The following LINGO2 variants were observed in gnomAD, a reference collection of about 807,000 sequenced individuals.
LINGO2 encodes leucine rich repeat and Ig domain containing 2, also known as leucine-rich repeat and immunoglobulin-like domain-containing nogo receptor-interacting protein 2.
In LINGO2, 14 loss-of-function variants were observed where a neutral mutation model predicts 30.6. The ratio of observed to expected loss-of-function variants is 0.46; its 90% CI spans 0.30 to 0.72. The LOEUF (loss-of-function observed/expected upper bound fraction) is 0.72, where lower values mean the gene tolerates loss of function less well. LINGO2 is among the 30% of genes least tolerant of loss of function. The pLI is 0.07. For synonymous variants in LINGO2, 317 were observed against 288.5 expected, an observed-to-expected ratio of 1.10 and a Z score of -1.00; for missense variants, 729 against 751.7, an observed-to-expected ratio of 0.97 and a Z score of 0.35.
intron 4 of LINGO2, among the ~76,000 whole-genome samples, chr9:28,122,019 A>C: frequency 6.8e-6 from 1 of 147,210 alleles, no homozygotes; most frequent in East Asian, 2.1e-4. Context: ...ATAAAAGATG[A>C]ATTGACTTAC....
At chr9:29,155,527 T>C in the LINGO2 span, among the ~76,000 whole-genome samples, 48 of 151,154 alleles carry the variant, frequency 3.2e-4, no homozygotes, top group South Asian at 9.6e-3. Flanking sequence ...TTTTTCATTA[T>C]ATTCTTTTAG....
intron 4 of LINGO2, among the ~76,000 whole-genome samples, chr9:28,094,058 T>A (rs1826174897): frequency 6.6e-6 from 1 of 152,216 alleles, no homozygotes; most frequent in Non-Finnish European, 1.5e-5. Flanking sequence ...ATCTGAACAA[T>A]GAGCTCTTTG....
At chr9:28,580,006 G>A (rs920634012) in intron 1 of LINGO2, among the ~76,000 whole-genome samples, 2 of 152,010 alleles carry the variant, frequency 1.3e-5, no homozygotes, top group African/African-American at 2.4e-5. Context: ...TGGGCTTTTC[G>A]AGCTCAACTT....
At chr9:28,644,273 A>G (rs1827733046) in intron 1 of LINGO2, among the ~76,000 whole-genome samples, 1 of 152,098 alleles carries the variant, frequency 6.6e-6, no homozygotes, top group Non-Finnish European at 1.5e-5. Flanking sequence ...TCACAATAGC[A>G]AAGATTTGGA....
At chr9:28,576,226 A>G (rs1823979633) in intron 1 of LINGO2, among the ~76,000 whole-genome samples, 1 of 152,236 alleles carries the variant, frequency 6.6e-6, no homozygotes, top group Admixed American at 6.5e-5. Context: ...GGCTGACCGG[A>G]AGCTGCAGCT....
intron 1 of LINGO2, among the ~76,000 whole-genome samples, chr9:28,494,042 G>C (rs1165174323): frequency 6.6e-6 from 1 of 151,992 alleles, no homozygotes; most frequent in Non-Finnish European, 1.5e-5. Flanking sequence ...TATGCTATTA[G>C]TTCTGTCCCT....
At chr9:29,088,549 C>T in the LINGO2 span, among the ~76,000 whole-genome samples, 35,078 of 152,018 alleles carry the variant, frequency 0.23, 4,564 homozygotes, top group African/African-American at 0.35. Flanking sequence ...GATCACACTG[C>T]AATTTTATAA....
At chr9:28,022,852 A>T (rs1237960115) in intron 4 of LINGO2, among the ~76,000 whole-genome samples, 1 of 134,152 alleles carries the variant, frequency 7.5e-6, no homozygotes, top group East Asian at 2.1e-4. Flanking sequence ...ACAACTCTGG[A>T]TGTTCTCTGC....
intron 3 of LINGO2, among the ~76,000 whole-genome samples, chr9:28,318,496 A>G (rs3849952): frequency 0.98 from 149,837 of 152,290 alleles, 73,761 homozygotes; most frequent in Middle Eastern, 1. Flanking sequence ...CAAGTTCAAA[A>G]AGGTTAAATA....
chr9:28,270,500 T>C (rs1226467865), intron 4 of LINGO2, among the ~76,000 whole-genome samples: 1 of 152,018 alleles, frequency 6.6e-6, no homozygotes, highest in Admixed American at 6.6e-5. Context: ...CACCAGGCCA[T>C]GCCTCAAAAT....
chr9:28,982,050 A>T, the LINGO2 span, among the ~76,000 whole-genome samples: 1 of 152,116 alleles, frequency 6.6e-6, no homozygotes, highest in Non-Finnish European at 1.5e-5. Flanking sequence ...TAAGTATGAT[A>T]TGGTTTATGA....
chr9:28,054,748 C>T (rs1348741022), intron 4 of LINGO2, among the ~76,000 whole-genome samples: 3 of 152,048 alleles, frequency 2.0e-5, no homozygotes, highest in Non-Finnish European at 4.4e-5. Context: ...TTGATATCCA[C>T]AAATACCATA....
intron 1 of LINGO2, among the ~76,000 whole-genome samples, chr9:28,665,289 T>A (rs529834152): frequency 9.9e-5 from 15 of 152,098 alleles, no homozygotes; most frequent in Admixed American, 9.2e-4. Flanking sequence ...ATGGGTTCCA[T>A]ACCTAGACTG....
At chr9:28,092,661 C>T (rs1360821228) in intron 4 of LINGO2, among the ~76,000 whole-genome samples, 3 of 151,428 alleles carry the variant, frequency 2.0e-5, no homozygotes, top group Non-Finnish European at 4.4e-5. Context: ...CAAACCTGCA[C>T]GTTGTGCACA....
chr9:28,814,347 G>A, the LINGO2 span, among the ~76,000 whole-genome samples: 1 of 152,148 alleles, frequency 6.6e-6, no homozygotes, highest in Admixed American at 6.5e-5. Context: ...TGAGGCAGGA[G>A]AATCACTTGA....
chr9:28,947,291 C>T, the LINGO2 span, among the ~76,000 whole-genome samples: 2 of 151,900 alleles, frequency 1.3e-5, no homozygotes, highest in Non-Finnish European at 2.9e-5. Flanking sequence ...AAAATAGTGG[C>T]TTATATTTTA....
the LINGO2 span, among the ~76,000 whole-genome samples, chr9:29,156,686 T>C: frequency 6.6e-6 from 1 of 152,070 alleles, no homozygotes; most frequent in Non-Finnish European, 1.5e-5. Flanking sequence ...ATTACTAACG[T>C]AATACTTTAT....
chr9:28,333,658 G>T lies in LINGO2; in HGVS notation c.-245-38292C>A, dbSNP rs1052025414. On this transcript the variant is annotated intron_variant, in intron 3 of 5. Transcript: ENST00000379992. ...CAAGTGTGCATATTAAAGCTGTGAC[G>T]TACTCTTAAGATATTTTTAATGAAC... Among the ~76,000 whole-genome samples, 8 of 152,182 alleles carry T rather than the reference G, an allele frequency of 5.3e-5. No homozygotes were observed. The Middle Eastern group carries it at 0.01, about 194-fold the overall frequency.
chr9:29,158,769 T>G, the LINGO2 span, among the ~76,000 whole-genome samples: 33 of 152,130 alleles, frequency 2.2e-4, no homozygotes, highest in South Asian at 5.6e-3. Flanking sequence ...TATATGTGTG[T>G]GTATGAGAGA....
Sources: allele counts gnomAD v4.1 joint callset (sites outside exome capture counted in the v4.1 genomes callset), GRCh38; gene constraint gnomAD v4.1.1; transcripts MANE v1.5; gene names NCBI Gene and HGNC (gene_info 2026-07-23, HGNC 2026-07-21).